Variants in PIK3C2A observed in about 807,000 individuals in gnomAD.
The protein encoded by PIK3C2A is phosphatidylinositol 4-phosphate 3-kinase C2 domain-containing subunit alpha.
In PIK3C2A, 97 loss-of-function variants were observed where a neutral mutation model predicts 204.5. The observed-to-expected ratio is 0.47, with a 90% CI of 0.40 to 0.56. The LOEUF (loss-of-function observed/expected upper bound fraction) is 0.56, where lower values mean the gene tolerates loss of function less well. PIK3C2A is among the 20% of genes least tolerant of loss of function. The pLI is 0.00. For synonymous variants in PIK3C2A, 653 were observed against 664.4 expected (o/e 0.98, Z 0.26); for missense variants, 1,735 against 1,969.2 (o/e 0.88, Z 2.25).
chr11:17,138,912 ATTTTT>A (rs777323309), intron 8 of PIK3C2A, among the ~76,000 whole-genome samples: 3 of 147,396 alleles, frequency 2.0e-5, no homozygotes, highest in African/African-American at 7.4e-5. Flanking sequence ...CTAATTAATG[ATTTTT>A]TTTTTTTGAG....
chr11:17,140,530 G>T (rs1027865377), intron 8 of PIK3C2A, among the ~76,000 whole-genome samples: 1 of 152,138 alleles, frequency 6.6e-6, no homozygotes, highest in Non-Finnish European at 1.5e-5. Flanking sequence ...AAACAGTATG[G>T]TGTGTGAAAG....
intron 1 of PIK3C2A, among the ~76,000 whole-genome samples, chr11:17,204,564 A>G (rs771847817): frequency 1.3e-5 from 2 of 152,110 alleles, no homozygotes; most frequent in Admixed American, 6.6e-5. Flanking sequence ...TTCCTTTTCC[A>G]TCTCCCAGCC....
chr11:17,168,168 TAGCA>T (rs1175860991), intron 2 of PIK3C2A, among the ~76,000 whole-genome samples: 3 of 152,206 alleles, frequency 2.0e-5, no homozygotes, highest in Non-Finnish European at 2.9e-5. Flanking sequence ...AAAATATTAA[TAGCA>T]AGCAATTTTT....
intron 1 of PIK3C2A, among the ~76,000 whole-genome samples, chr11:17,171,084 CAG>C (rs899186863): frequency 6.6e-6 from 1 of 152,056 alleles, no homozygotes; most frequent in African/African-American, 2.4e-5. Flanking sequence ...GCCTGGGCGA[CAG>C]AGAGAGACTC....
At chr11:17,177,627 A>C (rs920715092) in intron 1 of PIK3C2A, among the ~76,000 whole-genome samples, 1 of 152,222 alleles carries the variant, frequency 6.6e-6, no homozygotes, top group African/African-American at 2.4e-5. Flanking sequence ...ACCCCAGTAC[A>C]TGACAAGATA....
chr11:17,183,374 C>T (rs372134207), intron 1 of PIK3C2A, among the ~76,000 whole-genome samples: 1 of 152,258 alleles, frequency 6.6e-6, no homozygotes, highest in East Asian at 1.9e-4. Flanking sequence ...CTGTGCCTAA[C>T]TTATAAATTA....
chr11:17,206,908 A>G (rs1852600519), intron 1 of PIK3C2A, among the ~76,000 whole-genome samples: 1 of 152,224 alleles, frequency 6.6e-6, no homozygotes, highest in African/African-American at 2.4e-5. Flanking sequence ...TTGTTCAAAG[A>G]GGCAGGCCTC....
intron 1 of PIK3C2A, among the ~76,000 whole-genome samples, chr11:17,190,674 A>G (rs1851910054): frequency 6.6e-6 from 1 of 152,102 alleles, no homozygotes; most frequent in Non-Finnish European, 1.5e-5. Flanking sequence ...AGTAACAGGA[A>G]CTACAGAAAA....
intron 11 of PIK3C2A, among the ~76,000 whole-genome samples, chr11:17,133,183 C>T (rs905307231): frequency 1.3e-5 from 2 of 151,944 alleles, no homozygotes; most frequent in African/African-American, 4.8e-5. Flanking sequence ...TTTTTATCAC[C>T]GTTTTCTGTA....
intron 8 of PIK3C2A, among the ~76,000 whole-genome samples, chr11:17,139,233 CTT>C (rs770906529): frequency 1.5e-5 from 2 of 133,032 alleles, no homozygotes; most frequent in African/African-American, 2.8e-5. Flanking sequence ...TTAAATTTCC[CTT>C]TTTTTTTTTT....
chr11:17,091,767 A>T, intron 30 of PIK3C2A, 111 bp from the exon 31 acceptor site: 1 of 731,592 alleles, frequency 1.4e-6, no homozygotes, highest in Non-Finnish European at 2.3e-6. Flanking sequence ...GACAGAAGGG[A>T]GGGGAAAAAG....
chr11:17,096,529 T>TA (rs1848461825), intron 27 of PIK3C2A, among the ~76,000 whole-genome samples: 1 of 152,106 alleles, frequency 6.6e-6, no homozygotes, highest in Non-Finnish European at 1.5e-5. Flanking sequence ...CACAAAAAGA[T>TA]ACTAAAATTT....
At position 17,155,558 on chromosome 11, in the gene PIK3C2A, C is replaced by T. The variant is rs780924732; in HGVS notation, c.1137G>A (p.Glu379=). 3 of 1,604,872 alleles carry T rather than the reference C, an allele frequency of 1.9e-6. No individual in the cohort carries two copies. The highest frequency in any genetic ancestry group is 1.7e-6 in the Non-Finnish European group (2 of 1,173,022). ...TGGATCGACAAAAAGCTGCCATCTC[C>T]TCATTCTGTACTTCAACTTCTTGAA... The part of the protein sequence containing the change: ...SLLQEVEVQN[E]EMAAFCRSIT... The change falls in exon 3 of 33, where the codon GAG becomes GAA. Residue 379 remains glutamate, a synonymous_variant. Transcript: ENST00000691414.
In PIK3C2A at chr11:17,105,417, C is replaced by T. The variant is rs745429633; in HGVS notation, c.3545-112G>A. 4.0e-4 allele frequency: 357 copies of T among 896,504 alleles called. 1 individual carries two copies. Among genetic ancestry groups the T allele is most frequent in the Non-Finnish European group, 5.5e-4 (327 of 593,666 alleles). 55.5% of individuals were successfully genotyped at this position (896,504 alleles called of 1,614,324 possible). On this transcript the variant is annotated intron_variant, in intron 22 of 32. Transcript: ENST00000691414. ...ATTTCACTTTAAGTTCTGGGATACACGTGCAGAATGTGCAAGTTTGTTACA... is the reference window on the plus strand; with the variant it reads ...ATTTCACTTTAAGTTCTGGGATACATGTGCAGAATGTGCAAGTTTGTTACA...
chr11:17,100,958 C>T (rs1020053287), intron 25 of PIK3C2A, among the ~76,000 whole-genome samples: 1 of 152,132 alleles, frequency 6.6e-6, no homozygotes, highest in Admixed American at 6.5e-5. Context: ...GTTGACAATT[C>T]ACACCCATAT....
At chr11:17,110,801 G>C (rs1211229655) in intron 21 of PIK3C2A, among the ~76,000 whole-genome samples, 1 of 152,130 alleles carries the variant, frequency 6.6e-6, no homozygotes, top group Non-Finnish European at 1.5e-5. Flanking sequence ...TTTTTCTGCA[G>C]CATTCTAGGG....
rs1379969919 is a variant in PIK3C2A at position 17,089,475 on chromosome 11, T to C, written c.*263A>G. ...AAAGTCTTTTTCAGGAATTAGTATA[T>C]ATTAAGTTTAGGGTTTGTAGCATTC... is the stretch of plus-strand genomic sequence containing the variant. On this transcript the variant is annotated 3_prime_UTR_variant, in exon 33 of 33. Transcript: ENST00000691414. 1.4e-5 allele frequency: 5 copies of C among 346,400 alleles called. No individual in the cohort carries two copies. In the Admixed American group the frequency reaches 1.8e-4, roughly 12 times the overall value. 21.5% of individuals were successfully genotyped at this position (346,400 alleles called of 1,614,324 possible).
rs772430795 is a variant in PIK3C2A, at chr11:17,120,015, A to G, written c.2658-41T>C. The G allele has an allele frequency of 2.0e-5, 17 of 830,772 alleles. No homozygotes were observed. The East Asian group carries it at 4.7e-4, about 23-fold the overall frequency. The allele number at this position is 830,772 out of a possible 1,614,324, so 51.5% of individuals were successfully genotyped here. A position where few individuals can be genotyped will look rare whatever the true frequency, so the allele number is the denominator to read the frequency against. On this transcript the variant is annotated intron_variant, in intron 15 of 32. Transcript: ENST00000691414. Reference sequence around the variant, plus strand: ...AATTAAATTACTTCTCAGTGATAACATAATGATATAATCTCAATGATTAAA... The same window carrying G: ...AATTAAATTACTTCTCAGTGATAACGTAATGATATAATCTCAATGATTAAA...
In PIK3C2A at chr11:17,169,708, C is replaced by T; in HGVS notation, c.34G>A (p.Glu12Lys). 2 of 1,605,644 alleles carry T rather than the reference C, an allele frequency of 1.2e-6. No homozygotes were observed. Among genetic ancestry groups the T allele is most frequent in the Non-Finnish European group, 1.7e-6 (2 of 1,179,190 alleles). ...AQISSNSGFKECPSSHPEPTR... is the reference protein window; with the variant it reads ...AQISSNSGFKKCPSSHPEPTR... The stretch of plus-strand genomic sequence containing the variant: ...GGTTCCGGATGTGAAGATGGACATT[C>T]TTTAAATCCGCTGTTGCTAGATATC... The change falls in exon 2 of 33, where the codon GAA becomes AAA. Residue 12 changes from glutamate (E) to lysine (K), a missense_variant. Glu to Lys is a moderately conservative substitution (Grantham distance 56). Transcript: ENST00000691414.
Sources: allele counts gnomAD v4.1 joint callset (sites outside exome capture counted in the v4.1 genomes callset), GRCh38; gene constraint gnomAD v4.1.1; transcripts MANE v1.5; gene names NCBI Gene and HGNC (gene_info 2026-07-23, HGNC 2026-07-21).